Variants in NRG1 observed in about 807,000 individuals in gnomAD.
The protein encoded by NRG1 is neuregulin 1.
A neutral mutation model predicts 63.8 loss-of-function variants in NRG1; 18 were observed. That is an observed-to-expected ratio of 0.28 (90% CI 0.19 to 0.42). NRG1 has a LOEUF of 0.42. NRG1 is among the 10% of genes least tolerant of loss of function. The probability of loss-of-function intolerance (pLI) is 1.00; values close to 1 mark genes in which losing one functional copy is unlikely to be tolerated. For missense variants in NRG1, 762 were observed against 814.7 expected (o/e 0.94, Z 0.79); for synonymous variants, 302 against 301.3 (o/e 1.00, Z -0.02).
At chr8:32,217,140 G>A (rs1370758792) in intron 1 of NRG1, among the ~76,000 whole-genome samples, 1 of 148,800 alleles carries the variant, frequency 6.7e-6, no homozygotes, top group African/African-American at 2.5e-5. Context: ...TTGAACCTGG[G>A]AGGCAGAGGT....
intron 1 of NRG1, among the ~76,000 whole-genome samples, chr8:32,515,580 C>G (rs1829740701): frequency 6.6e-6 from 1 of 151,894 alleles, no homozygotes; most frequent in Non-Finnish European, 1.5e-5. Context: ...ATAGCTGGAA[C>G]TACATATGTG....
chr8:32,221,450 A>G (rs1845806080), intron 1 of NRG1, among the ~76,000 whole-genome samples: 1 of 152,236 alleles, frequency 6.6e-6, no homozygotes, highest in Non-Finnish European at 1.5e-5. Context: ...AATGTGATTT[A>G]ACTCGCATAT....
intron 1 of NRG1, among the ~76,000 whole-genome samples, chr8:31,906,207 A>T (rs1358290072): frequency 6.6e-6 from 1 of 152,138 alleles, no homozygotes; most frequent in Non-Finnish European, 1.5e-5. Flanking sequence ...TTCCAAGCTC[A>T]CTGTGTGGCT....
intron 1 of NRG1, among the ~76,000 whole-genome samples, chr8:31,746,634 T>C (rs903731853): frequency 2.6e-5 from 4 of 152,012 alleles, no homozygotes; most frequent in African/African-American, 9.7e-5. Context: ...AGCTACCGTA[T>C]GATCCAGCAA....
chr8:32,734,588 G>A (rs1168181681), intron 6 of NRG1, among the ~76,000 whole-genome samples: 1 of 152,146 alleles, frequency 6.6e-6, no homozygotes, highest in Non-Finnish European at 1.5e-5. Context: ...GAGAGCAAGT[G>A]GTGGGACTCA....
chr8:31,724,402 CT>C (rs1813222586), intron 1 of NRG1, among the ~76,000 whole-genome samples: 1 of 152,052 alleles, frequency 6.6e-6, no homozygotes, highest in African/African-American at 2.4e-5. Context: ...GTTCAGTGTT[CT>C]TTTCCACTGC....
chr8:32,331,857 A>C (rs1233814619), intron 1 of NRG1, among the ~76,000 whole-genome samples: 1 of 152,204 alleles, frequency 6.6e-6, no homozygotes, highest in East Asian at 1.9e-4. Flanking sequence ...TGGGCTTTTC[A>C]AAATGTTTGC....
intron 1 of NRG1, among the ~76,000 whole-genome samples, chr8:32,047,461 C>T (rs1227650237): frequency 6.6e-6 from 1 of 151,808 alleles, no homozygotes; most frequent in Non-Finnish European, 1.5e-5. Flanking sequence ...AAGTATTTGT[C>T]ATCTTAACTA....
chr8:32,193,692 G>A (rs950322600), intron 1 of NRG1, among the ~76,000 whole-genome samples: 2 of 152,016 alleles, frequency 1.3e-5, no homozygotes, highest in African/African-American at 2.4e-5. Context: ...CCCAGCCCCC[G>A]GTAACTCAGA....
intron 1 of NRG1, among the ~76,000 whole-genome samples, chr8:31,869,583 G>T (rs968599818): frequency 5.9e-5 from 9 of 152,174 alleles, no homozygotes; most frequent in African/African-American, 1.4e-4. Context: ...GAGAAAAAAG[G>T]CCTGGTCCCA....
At chr8:32,261,039 A>G (rs949007380) in intron 1 of NRG1, among the ~76,000 whole-genome samples, 1 of 152,200 alleles carries the variant, frequency 6.6e-6, no homozygotes, top group African/African-American at 2.4e-5. Flanking sequence ...GACTCTTTTA[A>G]ACAAAACACT....
intron 1 of NRG1, among the ~76,000 whole-genome samples, chr8:32,467,871 CTGTTGATTGTCCCTCT>C (rs1186051246): frequency 5.9e-5 from 9 of 152,190 alleles, no homozygotes; most frequent in Non-Finnish European, 1.0e-4. Flanking sequence ...CTTTTCAGGA[CTGTTGATTGTCCCTCT>C]TCTTTGTGTG....
chr8:31,933,404 C>T (rs1299204138), intron 1 of NRG1, among the ~76,000 whole-genome samples: 1 of 152,036 alleles, frequency 6.6e-6, no homozygotes, highest in Non-Finnish European at 1.5e-5. Context: ...CCTCAGCCTC[C>T]CGAGTAGCTG....
intron 1 of NRG1, among the ~76,000 whole-genome samples, chr8:32,437,555 C>T (rs144689150): frequency 2.6e-5 from 4 of 152,246 alleles, no homozygotes; most frequent in East Asian, 1.9e-4. Flanking sequence ...AGAGCCAGAC[C>T]GGAAGTTTCC....
At chr8:32,228,699 G>T (rs1846591159) in intron 1 of NRG1, among the ~76,000 whole-genome samples, 1 of 152,054 alleles carries the variant, frequency 6.6e-6, no homozygotes, top group Non-Finnish European at 1.5e-5. Context: ...CTCTATTTTT[G>T]ATCACAGATA....
At chr8:32,342,512 C>T (rs1228607462) in intron 1 of NRG1, among the ~76,000 whole-genome samples, 4 of 152,150 alleles carry the variant, frequency 2.6e-5, no homozygotes, top group Non-Finnish European at 5.9e-5. Flanking sequence ...GTTTAAGTAG[C>T]TAATCAAGTT....
chr8:31,681,868 C>A (rs1261369931), intron 1 of NRG1, among the ~76,000 whole-genome samples: 1 of 152,006 alleles, frequency 6.6e-6, no homozygotes, highest in Non-Finnish European at 1.5e-5. Context: ...TAGCCTTCAT[C>A]CCCACAAAAG....
intron 1 of NRG1, among the ~76,000 whole-genome samples, chr8:31,766,581 G>A (rs901593476): frequency 1.3e-5 from 2 of 152,132 alleles, no homozygotes; most frequent in African/African-American, 2.4e-5. Context: ...GGTAAAGTAA[G>A]CTAAAGAATA....
At chr8:32,256,534 C>T (rs1163992084) in intron 1 of NRG1, 1 of 152,524 alleles carries the variant, frequency 6.6e-6, no homozygotes, top group Non-Finnish European at 1.5e-5. Context: ...CCGATCTCGT[C>T]TGATCTCAGA....
Sources: allele counts gnomAD v4.1 joint callset (sites outside exome capture counted in the v4.1 genomes callset), GRCh38; gene constraint gnomAD v4.1.1; transcripts MANE v1.5; gene names NCBI Gene and HGNC (gene_info 2026-07-23, HGNC 2026-07-21).